MYO1B: variants seen among roughly 807,000 people sequenced by gnomAD.
MYO1B encodes myosin IB.
MYO1B carries 72 observed loss-of-function variants against 159.7 expected under a neutral mutation model. That is an observed-to-expected ratio of 0.45 (90% CI 0.37 to 0.55). The LOEUF (loss-of-function observed/expected upper bound fraction) is 0.55, where lower values mean the gene tolerates loss of function less well. MYO1B is among the 20% of genes least tolerant of loss of function. The pLI is 0.00. For missense variants in MYO1B, 1,062 were observed against 1,364.8 expected (o/e 0.78, Z 3.50); for synonymous variants, 468 against 473.8 (o/e 0.99, Z 0.16).
chr2:191,386,136 G>A, intron 16 of MYO1B, 52 bp downstream of exon 16: 1 of 1,578,558 alleles, frequency 6.3e-7, no homozygotes, highest in Non-Finnish European at 8.7e-7. Flanking sequence ...ACCCCTGCAA[G>A]GAGGCTGTAC....
At chr2:191,370,996 G>C (rs1694328026) in intron 13 of MYO1B, 1 of 152,156 alleles carries the variant, frequency 6.6e-6, no homozygotes, top group Non-Finnish European at 1.5e-5. Context: ...AGATGAGCAT[G>C]GCCCCTGAAA....
chr2:191,278,747 A>G (rs1222298047), intron 2 of MYO1B, among the ~76,000 whole-genome samples: 4 of 152,264 alleles, frequency 2.6e-5, no homozygotes, highest in African/African-American at 7.2e-5. Context: ...CTTCCCTCCA[A>G]GCGTAGCAGT....
chr2:191,261,064 A>G (rs768976823), intron 1 of MYO1B, among the ~76,000 whole-genome samples: 28 of 152,154 alleles, frequency 1.8e-4, no homozygotes, highest in Non-Finnish European at 3.5e-4. Context: ...TTTTCTCTGT[A>G]AAGTGGATCA....
At chr2:191,412,612 G>A (rs10184674) in intron 27 of MYO1B, among the ~76,000 whole-genome samples, 8,512 of 152,236 alleles carry the variant, frequency 0.056, 800 homozygotes, top group African/African-American at 0.19. Flanking sequence ...GACCACCTAC[G>A]TGGATTTTTC....
At chr2:191,269,259 C>T (rs1687320487) in intron 1 of MYO1B, among the ~76,000 whole-genome samples, 1 of 152,176 alleles carries the variant, frequency 6.6e-6, no homozygotes, top group Non-Finnish European at 1.5e-5. Context: ...TATATTTCTA[C>T]TCTTGGGACT....
intron 10 of MYO1B, 141 bp from the exon 11 acceptor site, chr2:191,364,017 G>C: frequency 7.9e-7 from 1 of 1,270,762 alleles, no homozygotes; most frequent in Non-Finnish European, 1.1e-6. Flanking sequence ...ATAGAACTGT[G>C]GCTAAGCTTT....
At chr2:191,283,445 T>G (rs969408397) in intron 2 of MYO1B, among the ~76,000 whole-genome samples, 19 of 152,184 alleles carry the variant, frequency 1.2e-4, no homozygotes, top group Admixed American at 3.3e-4. Context: ...TGGGACAAGT[T>G]AACTCCTTGG....
At chr2:191,355,610 T>A (rs1693222835) in intron 7 of MYO1B, among the ~76,000 whole-genome samples, 1 of 152,242 alleles carries the variant, frequency 6.6e-6, no homozygotes, top group Admixed American at 6.5e-5. Context: ...TGGCCTCTCC[T>A]TGTGTGCATT....
At chr2:191,277,996 G>T (rs1397978870) in intron 2 of MYO1B, among the ~76,000 whole-genome samples, 1 of 152,216 alleles carries the variant, frequency 6.6e-6, no homozygotes, top group Non-Finnish European at 1.5e-5. Flanking sequence ...TATAACTTTT[G>T]TGGAACTAAT....
At chr2:191,251,091 G>A (rs1288325434) in intron 1 of MYO1B, among the ~76,000 whole-genome samples, 4 of 152,144 alleles carry the variant, frequency 2.6e-5, no homozygotes, top group Non-Finnish European at 4.4e-5. Context: ...TCCCAGTCCT[G>A]CGTCATTCTC....
intron 4 of MYO1B, among the ~76,000 whole-genome samples, chr2:191,339,840 A>G (rs1692098779): frequency 6.6e-6 from 1 of 152,208 alleles, no homozygotes; most frequent in South Asian, 2.1e-4. Context: ...AGGTTGCGCA[A>G]AAGCCCTCAG....
intron 4 of MYO1B, among the ~76,000 whole-genome samples, chr2:191,337,757 A>G (rs1415539169): frequency 2.0e-5 from 3 of 152,208 alleles, no homozygotes; most frequent in Non-Finnish European, 2.9e-5. Flanking sequence ...ATTTTAAATG[A>G]CAATATTCTT....
At chr2:191,274,976 C>T (rs556019259) in intron 1 of MYO1B, among the ~76,000 whole-genome samples, 29 of 152,190 alleles carry the variant, frequency 1.9e-4, no homozygotes, top group Admixed American at 1.6e-3. Context: ...GGCGCAATCT[C>T]GGCTCACTGC....
chr2:191,254,523 T>C (rs1451364506), intron 1 of MYO1B, among the ~76,000 whole-genome samples: 1 of 151,962 alleles, frequency 6.6e-6, no homozygotes, highest in East Asian at 1.9e-4. Context: ...TTTTTTTTTT[T>C]AGAGACAAGT....
At chr2:191,258,170 A>G (rs1647864834) in intron 1 of MYO1B, among the ~76,000 whole-genome samples, 1 of 152,238 alleles carries the variant, frequency 6.6e-6, no homozygotes, top group South Asian at 2.1e-4. Context: ...GGGACAGACA[A>G]CCGTATACAG....
chr2:191,398,936 G>C (rs1696399590), intron 21 of MYO1B, among the ~76,000 whole-genome samples: 1 of 152,200 alleles, frequency 6.6e-6, no homozygotes, highest in African/African-American at 2.4e-5. Context: ...GTAGGTTGTA[G>C]TGAGCTGAGA....
chr2:191,357,076 A>G (rs1306989409), intron 7 of MYO1B, among the ~76,000 whole-genome samples: 1 of 152,228 alleles, frequency 6.6e-6, no homozygotes, highest in Non-Finnish European at 1.5e-5. Flanking sequence ...AGAGGAGAGT[A>G]TACATAAAAT....
intron 21 of MYO1B, among the ~76,000 whole-genome samples, chr2:191,398,852 C>G (rs1365158263): frequency 6.6e-6 from 1 of 152,168 alleles, no homozygotes; most frequent in Non-Finnish European, 1.5e-5. Context: ...CTCCTCACTT[C>G]CCAGACGGGG....
chr2:191,406,082 G>T (rs1191067301), intron 24 of MYO1B, among the ~76,000 whole-genome samples: 1 of 152,188 alleles, frequency 6.6e-6, no homozygotes, highest in African/African-American at 2.4e-5. Context: ...ACTTTCTGCA[G>T]CTTCTCTATC....
Sources: allele counts gnomAD v4.1 joint callset (sites outside exome capture counted in the v4.1 genomes callset), GRCh38; gene constraint gnomAD v4.1.1; transcripts MANE v1.5; gene names NCBI Gene and HGNC (gene_info 2026-07-23, HGNC 2026-07-21).